Variants in CNTNAP2 observed in about 807,000 individuals in gnomAD.
CNTNAP2 encodes the protein contactin-associated protein-like 2.
A neutral mutation model predicts 155.2 loss-of-function variants in CNTNAP2; 98 were observed. That is an observed-to-expected ratio of 0.63 (90% CI 0.54 to 0.75). The LOEUF (loss-of-function observed/expected upper bound fraction) is 0.75, where lower values mean the gene tolerates loss of function less well. Ranked by LOEUF, CNTNAP2 falls within the 30% of genes least tolerant of loss-of-function variation. The pLI, the probability that CNTNAP2 is intolerant of heterozygous loss-of-function variation, is 0.00. For missense variants in CNTNAP2, 1,727 were observed against 1,688.1 expected (o/e 1.02, Z -0.40); for synonymous variants, 651 against 631.2 (o/e 1.03, Z -0.47).
At chr7:147,685,411 C>CA (rs1478828732) in intron 13 of CNTNAP2, among the ~76,000 whole-genome samples, 1 of 151,894 alleles carries the variant, frequency 6.6e-6, no homozygotes, top group Non-Finnish European at 1.5e-5. Flanking sequence ...AAATATAACT[C>CA]AGAGTGTTTG....
intron 1 of CNTNAP2, among the ~76,000 whole-genome samples, chr7:146,291,201 C>T (rs1349492494): frequency 6.6e-6 from 1 of 152,064 alleles, no homozygotes; most frequent in Non-Finnish European, 1.5e-5. Flanking sequence ...GAGAATATTT[C>T]CTAATAAAAA....
intron 20 of CNTNAP2, among the ~76,000 whole-genome samples, chr7:148,237,633 C>T (rs4726930): frequency 0.71 from 108,226 of 152,184 alleles, 39,490 homozygotes; most frequent in South Asian, 0.91. Context: ...AAATATGTAA[C>T]ATCAAATGGT....
chr7:146,407,683 G>A (rs1232903171), intron 1 of CNTNAP2, among the ~76,000 whole-genome samples: 2 of 152,018 alleles, frequency 1.3e-5, no homozygotes, highest in Non-Finnish European at 2.9e-5. Flanking sequence ...AGAAATGTGT[G>A]ACTTCACATG....
chr7:146,637,980 A>G (rs987133137), intron 1 of CNTNAP2, among the ~76,000 whole-genome samples: 6 of 152,204 alleles, frequency 3.9e-5, no homozygotes, highest in Non-Finnish European at 8.8e-5. Context: ...ATGTGATCAC[A>G]TAGTGTGTCT....
At chr7:147,008,928 TA>T (rs1475786606) in intron 3 of CNTNAP2, among the ~76,000 whole-genome samples, 5 of 151,180 alleles carry the variant, frequency 3.3e-5, no homozygotes, top group Non-Finnish European at 5.9e-5. Flanking sequence ...TTCAGGTAGA[TA>T]GGGGGAGGGC....
intron 13 of CNTNAP2, among the ~76,000 whole-genome samples, chr7:147,787,528 T>C (rs1303170243): frequency 1.3e-5 from 2 of 152,256 alleles, no homozygotes; most frequent in African/African-American, 2.4e-5. Flanking sequence ...TCATTATTTT[T>C]AGCTGTTTTT....
At chr7:147,422,491 T>A (rs1797312013) in intron 10 of CNTNAP2, among the ~76,000 whole-genome samples, 1 of 152,124 alleles carries the variant, frequency 6.6e-6, no homozygotes, top group African/African-American at 2.4e-5. Flanking sequence ...GCTATTATCC[T>A]AAATTTATAA....
Position 147,186,978 on chromosome 7 carries a change from A to G in CNTNAP2, c.1348+54469A>G, listed in dbSNP as rs1802579607. On this transcript the variant is annotated intron_variant, in intron 8 of 23. Transcript: ENST00000361727. ...CCCCATTCTCAAAATTTCAGACTCA[A>G]TAAGAATGAGTGGAGCCTAAACATT... Among the ~76,000 whole-genome samples the G allele has an allele frequency of 3.0e-5, 3 of 101,070 alleles. 1 individual carries two copies. The highest frequency in any genetic ancestry group is 7.9e-5 in the Non-Finnish European group (3 of 37,908). 66.3% of individuals were successfully genotyped at this position (101,070 alleles called of 152,430 possible).
chr7:147,345,353 A>T (rs1021659287), intron 9 of CNTNAP2, among the ~76,000 whole-genome samples: 1 of 152,234 alleles, frequency 6.6e-6, no homozygotes, highest in Non-Finnish European at 1.5e-5. Context: ...AAGCTTACAT[A>T]AATTCCCTTT....
At chr7:147,236,344 T>G (rs1380573110) in intron 8 of CNTNAP2, among the ~76,000 whole-genome samples, 2 of 152,184 alleles carry the variant, frequency 1.3e-5, no homozygotes, top group Admixed American at 1.3e-4. Context: ...TGGCTAATTC[T>G]CTATATAACT....
At chr7:147,018,502 A>T (rs1311895362) in intron 3 of CNTNAP2, among the ~76,000 whole-genome samples, 1 of 152,094 alleles carries the variant, frequency 6.6e-6, no homozygotes. Context: ...GGAAAGGGAT[A>T]AGAGAGGAAG....
At chr7:147,326,249 T>C (rs1345985517) in intron 9 of CNTNAP2, among the ~76,000 whole-genome samples, 2 of 152,234 alleles carry the variant, frequency 1.3e-5, no homozygotes, top group Non-Finnish European at 2.9e-5. Flanking sequence ...GCTATCTTTA[T>C]GAATTTGAAT....
At chr7:147,977,017 A>G (rs1801436610) in intron 14 of CNTNAP2, among the ~76,000 whole-genome samples, 1 of 152,138 alleles carries the variant, frequency 6.6e-6, no homozygotes. Flanking sequence ...ACAGCAGCAG[A>G]AAAAGAGGAC....
intron 10 of CNTNAP2, among the ~76,000 whole-genome samples, chr7:147,446,103 C>G (rs1797732947): frequency 6.6e-6 from 1 of 151,258 alleles, no homozygotes; most frequent in African/African-American, 2.4e-5. Flanking sequence ...GGGCAAGACA[C>G]ACTTGCTCTT....
chr7:148,368,222 G>A (rs913878502), intron 21 of CNTNAP2, among the ~76,000 whole-genome samples: 9 of 152,134 alleles, frequency 5.9e-5, no homozygotes, highest in Admixed American at 5.2e-4. Context: ...CAATTCGCAG[G>A]GGGACACATC....
chr7:148,120,515 C>T (rs766342248), intron 16 of CNTNAP2, among the ~76,000 whole-genome samples: 31 of 152,048 alleles, frequency 2.0e-4, no homozygotes, highest in Non-Finnish European at 4.1e-4. Flanking sequence ...AGTGTGCCTG[C>T]CTTGACCTCC....
Position 147,020,050 on chromosome 7 carries a change from T to C in CNTNAP2, c.403-23857T>C, listed in dbSNP as rs186403677. 4.5e-3 allele frequency among the ~76,000 whole-genome samples: 680 copies of C among 152,196 alleles called. 2 individuals carry two copies. The highest frequency in any genetic ancestry group is 0.017 in the Middle Eastern group (5 of 294). ...AGTACAGAATAGATATAGTATAGTATAGTACAGTATATTAGTATAGTATAG... is the reference window on the plus strand; with the variant it reads ...AGTACAGAATAGATATAGTATAGTACAGTACAGTATATTAGTATAGTATAG... On this transcript the variant is annotated intron_variant, in intron 3 of 23. Coordinates refer to ENST00000361727, the MANE Select transcript of CNTNAP2 (RefSeq NM_014141.6).
intron 13 of CNTNAP2, among the ~76,000 whole-genome samples, chr7:147,825,855 G>A (rs1187717441): frequency 6.6e-6 from 1 of 152,158 alleles, no homozygotes; most frequent in Non-Finnish European, 1.5e-5. Flanking sequence ...TTTTTAAAAA[G>A]ATGATATGGG....
chr7:146,759,137 A>G (rs1241334110), intron 1 of CNTNAP2, among the ~76,000 whole-genome samples: 2 of 152,150 alleles, frequency 1.3e-5, no homozygotes, highest in Non-Finnish European at 2.9e-5. Flanking sequence ...TAGAAATTAA[A>G]CATTATCAAT....
Sources: allele counts gnomAD v4.1 joint callset (sites outside exome capture counted in the v4.1 genomes callset), GRCh38; gene constraint gnomAD v4.1.1; transcripts MANE v1.5; gene names NCBI Gene and HGNC (gene_info 2026-07-23, HGNC 2026-07-21).